CRYBB2: variants seen among roughly 807,000 people sequenced by gnomAD.
CRYBB2 encodes the protein crystallin beta B2.
In CRYBB2, 12 loss-of-function variants were observed where a neutral mutation model predicts 24.3. The observed-to-expected ratio is 0.49, with a 90% CI of 0.32 to 0.80. The LOEUF is 0.80. Among genes scored for constraint, CRYBB2 ranks in the 30% least tolerant of loss-of-function variants. CRYBB2 has a pLI of 0.04. For synonymous variants in CRYBB2, 98 were observed against 101.6 expected, an observed-to-expected ratio of 0.96 and a Z score of 0.21; for missense variants, 198 against 268.5, an observed-to-expected ratio of 0.74 and a Z score of 1.83.
chr22:25,215,199 G>C (rs1023352238), upstream of CRYBB2, among the ~76,000 whole-genome samples: 1 of 152,206 alleles, frequency 6.6e-6, no homozygotes, highest in Admixed American at 6.5e-5. Context: ...TGATACCCAC[G>C]CTGGAAGTTT....
At position 25,231,734 on chromosome 22, in the gene CRYBB2, C is replaced by CA. The variant is rs1354241927; in HGVS notation, c.581dup (p.Trp195ValfsTer41). 1 of 1,614,140 alleles carries CA rather than the reference C, an allele frequency of 6.2e-7. No homozygotes were observed. Among genetic ancestry groups the CA allele is most frequent in the Admixed American group, 1.7e-5 (1 of 60,020 alleles). On this transcript the variant is annotated frameshift_variant, in exon 6 of 6. Coordinates refer to ENST00000398215, the MANE Select transcript of CRYBB2 (RefSeq NM_000496.3). LOFTEE classifies it high-confidence loss of function. ...GTCCGTGCGCCGTATCCGCGACATG[C>CA]AGTGGCACCAACGTGGTGCCTTCCA... is the stretch of plus-strand genomic sequence containing the variant.
intron 2 of CRYBB2, among the ~76,000 whole-genome samples, chr22:25,222,500 A>C (rs1181812813): frequency 6.6e-6 from 1 of 152,176 alleles, no homozygotes; most frequent in Non-Finnish European, 1.5e-5. Context: ...TGCCTTTGCC[A>C]GGCCGAGGTG....
chr22:25,231,815 G>A lies in CRYBB2; in HGVS notation c.*43G>A. The A allele has an allele frequency of 6.3e-7, 1 of 1,595,682 alleles. No individual in the cohort carries two copies. The highest frequency in any genetic ancestry group is 8.6e-7 in the Non-Finnish European group (1 of 1,163,370). ...CTCCTTCCCAGGACCCAGGTCTGCT[G>A]CCCAGGAACCCTCCAGACCTCCCAG... On this transcript the variant is annotated 3_prime_UTR_variant, in exon 6 of 6. Coordinates refer to ENST00000398215, the MANE Select transcript of CRYBB2 (RefSeq NM_000496.3).
chr22:25,222,914 G>A (rs1035499859), intron 2 of CRYBB2, among the ~76,000 whole-genome samples: 2 of 152,128 alleles, frequency 1.3e-5, no homozygotes, highest in African/African-American at 4.8e-5. Flanking sequence ...AATATGATGT[G>A]TATGTTACGC....
At chr22:25,215,184 G>C (rs1255748194), upstream of CRYBB2, among the ~76,000 whole-genome samples, 1 of 152,230 alleles carries the variant, frequency 6.6e-6, no homozygotes, top group African/African-American at 2.4e-5. Flanking sequence ...TGTTTGTGAT[G>C]GCCATGATAC....
At chr22:25,218,729 AGAGAGGGG>A (rs1442332498), upstream of CRYBB2, among the ~76,000 whole-genome samples, 6 of 109,844 alleles carry the variant, frequency 5.5e-5, no homozygotes, top group Non-Finnish European at 9.1e-5. Context: ...AGAGAGAGAG[AGAGAGGGG>A]AGAGAGAGAG....
chr22:25,217,562 C>T (rs1169109490), upstream of CRYBB2, among the ~76,000 whole-genome samples: 1 of 152,140 alleles, frequency 6.6e-6, no homozygotes, highest in Non-Finnish European at 1.5e-5. Context: ...GGTGATCCGC[C>T]TGGCTTGGCT....
rs151043021 is a variant in CRYBB2 at position 25,222,175 on chromosome 22, C to T, written c.54+692C>T. Among the ~76,000 whole-genome samples, 227 of 152,344 alleles carry T rather than the reference C, an allele frequency of 1.5e-3. 1 individual carries two copies. The highest frequency in any genetic ancestry group is 5.0e-3 in the African/African-American group (207 of 41,574). On this transcript the variant is annotated intron_variant, in intron 2 of 5. Coordinates refer to ENST00000398215, the MANE Select transcript of CRYBB2 (RefSeq NM_000496.3). ...GCTTTGGTAGCCCCGGGCACAGGTTCCTTCAGGAATGGCCCCTTTGTCTGA... is the reference window on the plus strand; with the variant it reads ...GCTTTGGTAGCCCCGGGCACAGGTTTCTTCAGGAATGGCCCCTTTGTCTGA...
upstream of CRYBB2, among the ~76,000 whole-genome samples, chr22:25,211,875 G>A (rs563383132): frequency 2.9e-4 from 44 of 152,372 alleles, 1 homozygote; most frequent in South Asian, 2.9e-3. Flanking sequence ...CAAGTGATAG[G>A]AGGCAGAGTG....
At chr22:25,224,118 C>T (rs1935371343) in intron 2 of CRYBB2, among the ~76,000 whole-genome samples, 1 of 138,984 alleles carries the variant, frequency 7.2e-6, no homozygotes, top group Non-Finnish European at 1.5e-5. Flanking sequence ...AGTGAGACTC[C>T]GTCTCAAAAA....
chr22:25,219,632 G>A (rs372513632), upstream of CRYBB2: 13 of 152,296 alleles, frequency 8.5e-5, no homozygotes, highest in South Asian at 8.3e-4. Flanking sequence ...CCCGCTGGCC[G>A]AGCTTCACGG....
chr22:25,227,979 C>T lies in CRYBB2; in HGVS notation c.300C>T (p.Ile100=), dbSNP rs1315950117. Residue 100 remains isoleucine (I), a synonymous_variant, in exon 4 of 6, where the codon ATC becomes ATT. Coordinates refer to ENST00000398215, the MANE Select transcript of CRYBB2 (RefSeq NM_000496.3). ...ACTCCCTCAGCTCCCTGAGGCCCAT[C>T]AAAGTGGTGAGCCCCCTGCCATCAC... ...RTDSLSSLRP[I]KVDSQEHKII... The T allele has an allele frequency of 6.2e-7, 1 of 1,614,008 alleles. No individual in the cohort carries two copies. The highest frequency in any genetic ancestry group is 8.5e-7 in the Non-Finnish European group (1 of 1,180,026).
chr22:25,226,295 G>A (rs577110977), intron 3 of CRYBB2, among the ~76,000 whole-genome samples: 1 of 152,050 alleles, frequency 6.6e-6, no homozygotes, highest in East Asian at 1.9e-4. Context: ...CTCTCTCCAT[G>A]TCATTAAATA....
chr22:25,229,041 T>G (rs2146093230), intron 4 of CRYBB2, among the ~76,000 whole-genome samples: 1 of 146,212 alleles, frequency 6.8e-6, no homozygotes, highest in East Asian at 2.0e-4. Context: ...CGTGCGTGTG[T>G]GCAAGTGTGG....
chr22:25,223,786 GT>G (rs781307288), intron 2 of CRYBB2, among the ~76,000 whole-genome samples: 2 of 152,158 alleles, frequency 1.3e-5, no homozygotes, highest in Non-Finnish European at 2.9e-5. Flanking sequence ...TCCAGGGGCA[GT>G]TTGCTGGGGA....
chr22:25,218,997 G>A (rs779990286), upstream of CRYBB2, among the ~76,000 whole-genome samples: 6 of 152,070 alleles, frequency 3.9e-5, no homozygotes, highest in Admixed American at 3.3e-4. Flanking sequence ...CTTTAGCTTT[G>A]TTAACCTGTT....
At chr22:25,222,593 G>T (rs1277486190) in intron 2 of CRYBB2, among the ~76,000 whole-genome samples, 1 of 152,104 alleles carries the variant, frequency 6.6e-6, no homozygotes, top group Non-Finnish European at 1.5e-5. Context: ...TGAAAAATGG[G>T]GGTCAGGGTT....
chr22:25,217,431 C>T (rs138731675), upstream of CRYBB2, among the ~76,000 whole-genome samples: 3,989 of 152,290 alleles, frequency 0.026, 194 homozygotes, highest in African/African-American at 0.092. Flanking sequence ...GATTCTCCTG[C>T]CTCAGCCTCC....
intron 5 of CRYBB2, among the ~76,000 whole-genome samples, chr22:25,229,942 G>A (rs2146093980): frequency 6.6e-6 from 1 of 151,390 alleles, no homozygotes; most frequent in South Asian, 2.1e-4. Flanking sequence ...TGAGAAGCAG[G>A]AGGACCAGCC....
Sources: allele counts gnomAD v4.1 joint callset (sites outside exome capture counted in the v4.1 genomes callset), GRCh38; gene constraint gnomAD v4.1.1; transcripts MANE v1.5; gene names NCBI Gene and HGNC (gene_info 2026-07-23, HGNC 2026-07-21).